The following ACSM1 variants were observed in gnomAD, a reference collection of about 807,000 sequenced individuals.
The protein encoded by ACSM1 is acyl-CoA synthetase medium chain family member 1, also known as acyl-coenzyme A synthetase ACSM1, mitochondrial.
Under a neutral mutation model 75.8 loss-of-function variants are expected in ACSM1, and 79 were observed. The ratio of observed to expected loss-of-function variants is 1.04; its 90% CI spans 0.87 to 1.26. ACSM1 has a LOEUF of 1.26. Among genes scored for constraint, ACSM1 ranks in the 50% most tolerant of loss-of-function variants. ACSM1 has a pLI of 0.00. For synonymous variants in ACSM1, 279 were observed against 265.8 expected, an observed-to-expected ratio of 1.05 and a Z score of -0.48; for missense variants, 676 against 720.1, an observed-to-expected ratio of 0.94 and a Z score of 0.70.
In ACSM1 at chr16:20,627,232, T is replaced by C. The variant is rs372423872; in HGVS notation, c.1384A>G (p.Ile462Val). The C allele has an allele frequency of 1.6e-5, 25 of 1,585,864 alleles. No homozygotes were observed. The highest frequency in any genetic ancestry group is 4.7e-5 in the South Asian group (4 of 85,482). ...DRGKMDEEGY[I>V]CFLGRSDDII... ...TCATCACTCCTCCCCAGGAAACAAA[T>C]GTAGCCCTCTTCATCCATCTTACCT... Residue 462 changes from isoleucine (I) to valine (V), a missense_variant, in exon 11 of 14, where the codon ATT becomes GTT. Ile to Val is a conservative substitution (Grantham distance 29). Transcript: ENST00000520010.
intron 7 of ACSM1, among the ~76,000 whole-genome samples, chr16:20,652,168 A>G (rs2018682411): frequency 6.6e-6 from 1 of 152,142 alleles, no homozygotes; most frequent in Non-Finnish European, 1.5e-5. Context: ...AATTTTTTGC[A>G]AATAACCTAG....
intron 9 of ACSM1, chr16:20,637,145 C>G (rs749620277): frequency 2.6e-6 from 2 of 761,030 alleles, no homozygotes; most frequent in Non-Finnish European, 4.8e-6. Flanking sequence ...GGTATTCTTT[C>G]CTACCTACTG....
chr16:20,652,476 T>C (rs1309851807), intron 7 of ACSM1, among the ~76,000 whole-genome samples: 1 of 152,088 alleles, frequency 6.6e-6, no homozygotes, highest in Non-Finnish European at 1.5e-5. Context: ...ATATTTTATA[T>C]AAGAAAGAAT....
chr16:20,663,477 T>G lies in ACSM1; in HGVS notation c.913-1604A>C, dbSNP rs2152261285. On this transcript the variant is annotated intron_variant, in intron 6 of 13. Transcript: ENST00000520010. ...TGCACTCTTAACTTGTCTTTTCTGATTCCTTTGACTCCGCCGGACTTTGTA... is the reference window on the plus strand; with the variant it reads ...TGCACTCTTAACTTGTCTTTTCTGAGTCCTTTGACTCCGCCGGACTTTGTA... Among the ~76,000 whole-genome samples, 3 of 152,248 alleles carry G rather than the reference T, an allele frequency of 2.0e-5. No homozygotes were observed. The South Asian group carries it at 6.2e-4, about 32-fold the overall frequency.
chr16:20,640,551 A>G lies in ACSM1; in HGVS notation c.1026T>C (p.Thr342=), dbSNP rs1394532029. The G allele has an allele frequency of 1.2e-6, 2 of 1,614,170 alleles. No homozygotes were observed. Among genetic ancestry groups the G allele is most frequent in the South Asian group, 2.2e-5 (2 of 91,080 alleles). Residue 342 remains threonine (T), a synonymous_variant, in exon 8 of 14, where the codon ACT becomes ACC. Coordinates refer to ENST00000520010, the MANE Select transcript of ACSM1 (RefSeq NM_001318890.3). ...IRFPALEHCY[T]GGEVVLPKDQ... is the part of the protein sequence containing the mutation. ...CCTTGGGCAACACGACCTCCCCGCC[A>G]GTATAGCAGTGCTCCAGGGCAGGGA...
chr16:20,651,793 T>A (rs1289572746), intron 7 of ACSM1, among the ~76,000 whole-genome samples: 1 of 152,142 alleles, frequency 6.6e-6, no homozygotes, highest in Non-Finnish European at 1.5e-5. Flanking sequence ...CTTTACTAAA[T>A]AAGATTTTAT....
intron 2 of ACSM1, among the ~76,000 whole-genome samples, chr16:20,685,728 G>C (rs1216239390): frequency 1.3e-5 from 2 of 150,052 alleles, no homozygotes; most frequent in Admixed American, 1.3e-4. Context: ...GCTGAGGTAG[G>C]AGAATTGCTT....
chr16:20,669,387 G>C (rs1280103685), intron 6 of ACSM1, among the ~76,000 whole-genome samples: 1 of 151,212 alleles, frequency 6.6e-6, no homozygotes, highest in Non-Finnish European at 1.5e-5. Flanking sequence ...TAAGAAGCTA[G>C]ATCTGTCATA....
intron 10 of ACSM1, among the ~76,000 whole-genome samples, chr16:20,628,772 G>C (rs1241869924): frequency 1.3e-5 from 2 of 152,042 alleles, no homozygotes; most frequent in Admixed American, 1.3e-4. Flanking sequence ...GTGTGAAGTT[G>C]GCACTTTTTT....
intron 2 of ACSM1, among the ~76,000 whole-genome samples, chr16:20,687,383 G>A (rs1380107284): frequency 6.6e-6 from 1 of 152,082 alleles, no homozygotes; most frequent in East Asian, 1.9e-4. Flanking sequence ...TAGCGAGGTG[G>A]GGCGGGATGC....
rs2018483787 is a variant in ACSM1 at position 20,648,687 on chromosome 16, C to G, written c.993-8103G>C. Among the ~76,000 whole-genome samples, 1 of 152,220 alleles carries G rather than the reference C, an allele frequency of 6.6e-6. No homozygotes were observed. The highest frequency in any genetic ancestry group is 1.5e-5 in the Non-Finnish European group (1 of 68,040). On this transcript the variant is annotated intron_variant, in intron 7 of 13. Transcript: ENST00000520010. This position sits in a 1 kb window ranked among gnomAD's most constrained non-coding sequence, Gnocchi z 4.2. ...TTCTACAATCCTTTATCCTAACCCT[C>G]TCTTTTATTGATTCCAGGTCTTTAG...
At chr16:20,624,056 C>T in intron 13 of ACSM1, 40 bp downstream of exon 13, 1 of 1,605,608 alleles carries the variant, frequency 6.2e-7, no homozygotes, top group Non-Finnish European at 8.5e-7. Flanking sequence ...GCAGGGAACG[C>T]TTCAGGGCCA....
chr16:20,628,907 C>A (rs889732556), intron 10 of ACSM1, among the ~76,000 whole-genome samples: 1 of 152,154 alleles, frequency 6.6e-6, no homozygotes, highest in Non-Finnish European at 1.5e-5. Context: ...ATGACCGATT[C>A]ACTTGACCCC....
At chr16:20,658,214 A>C (rs1429327410) in intron 7 of ACSM1, among the ~76,000 whole-genome samples, 1 of 152,222 alleles carries the variant, frequency 6.6e-6, no homozygotes, top group African/African-American at 2.4e-5. Flanking sequence ...ACTAATTTAC[A>C]GTCCCACCAA....
chr16:20,691,331 C>G (rs2079649936), intron 1 of ACSM1, 92 bp from the exon 2 acceptor site: 1 of 648,160 alleles, frequency 1.5e-6, no homozygotes, highest in Admixed American at 3.8e-5. Context: ...ACAGTTATAG[C>G]TTTGTTTCAG....
At chr16:20,639,032 G>A (rs377766662) in intron 8 of ACSM1, among the ~76,000 whole-genome samples, 10 of 152,308 alleles carry the variant, frequency 6.6e-5, no homozygotes, top group African/African-American at 2.2e-4. Flanking sequence ...AATAATGTCA[G>A]CTGAGTATGT....
At chr16:20,632,985 G>T (rs748571341) in intron 10 of ACSM1, among the ~76,000 whole-genome samples, 30 of 152,096 alleles carry the variant, frequency 2.0e-4, no homozygotes, top group Non-Finnish European at 3.2e-4. Context: ...CCCTTTCATG[G>T]TAAAAACACT....
In ACSM1 at chr16:20,625,438, G is replaced by T. The variant is rs1394876071; in HGVS notation, c.1512C>A (p.Asp504Glu). 1 of 1,614,078 alleles carries T rather than the reference G, an allele frequency of 6.2e-7. No individual in the cohort carries two copies. Among genetic ancestry groups the T allele is most frequent in the South Asian group, 1.1e-5 (1 of 91,074 alleles). ...VAESAVVGSP[D>E]PIRGEVVKAF... ...TTCTCCTCACCTCCCCTCGAATCGG[G>T]TCTGGGCTGCCCACCACGGCTGACT... The change falls in exon 12 of 14, where the codon GAC (aspartate) becomes GAA (glutamate). Residue 504 changes from aspartate to glutamate, a missense_variant. By Grantham distance (45) the Asp-to-Glu change is conservative. Coordinates refer to ENST00000520010, the MANE Select transcript of ACSM1 (RefSeq NM_001318890.3).
intron 6 of ACSM1, among the ~76,000 whole-genome samples, chr16:20,667,962 G>A (rs1224123564): frequency 6.6e-6 from 1 of 152,068 alleles, no homozygotes; most frequent in Non-Finnish European, 1.5e-5. Context: ...GAATACACAT[G>A]GACATAAAGT....
Sources: gnomAD v4.1 joint callset for allele counts (sites outside exome capture counted in the v4.1 genomes callset) on GRCh38, gnomAD v4.1.1 for gene constraint, Gnocchi (gnomAD v3.1) non-coding constraint, MANE v1.5 for transcripts, NCBI Gene and HGNC (gene_info 2026-07-23, HGNC 2026-07-21) for gene names.